The following HSF2BP variants were observed in gnomAD, a reference collection of about 807,000 sequenced individuals.
HSF2BP encodes the protein heat shock factor 2-binding protein.
In HSF2BP, 35 loss-of-function variants were observed where a neutral mutation model predicts 35.0. The observed-to-expected ratio is 1.00, with a 90% CI of 0.76 to 1.32. The LOEUF is 1.32. HSF2BP is among the 40% of genes most tolerant of loss of function. HSF2BP has a pLI of 0.00. For missense variants in HSF2BP, 326 were observed against 321.7 expected (o/e 1.01, Z -0.10); for synonymous variants, 114 against 117.4 (o/e 0.97, Z 0.18).
chr21:43,595,726 A>ATTTTTTTTTTTTTTTTTTTTTTTTTTTT lies in HSF2BP; in HGVS notation c.693-3426_693-3399dup, dbSNP rs770855952. 1.7e-4 allele frequency among the ~76,000 whole-genome samples: 10 copies of ATTTTTTTTTTTTTTTTTTTTTTTTTTTT among 58,448 alleles called. 4 individuals carry two copies. The highest frequency in any genetic ancestry group is 2.2e-4 in the Non-Finnish European group (7 of 32,406). 38.3% of individuals were successfully genotyped at this position (58,448 alleles called of 152,430 possible). On this transcript the variant is annotated intron_variant, in intron 7 of 8. Transcript: ENST00000291560. ...AGCATCTTTAAAAATTAAGAGGCTAATTTTTTTTTTTTTTTTTTTTTTTTT... is the reference window on the plus strand; with the variant it reads ...AGCATCTTTAAAAATTAAGAGGCTAATTTTTTTTTTTTTTTTTTTTTTTTTTTTTTTTTTTTTTTTTTTTTTTTTTTTT...
chr21:43,653,229 A>G (rs12381185), intron 3 of HSF2BP, among the ~76,000 whole-genome samples: 28 of 41,102 alleles, frequency 6.8e-4, no homozygotes, highest in Non-Finnish European at 1.1e-3. Flanking sequence ...AAGGGAAGGG[A>G]AGGGGAAGGG....
rs71334003 is a variant in HSF2BP, at chr21:43,535,686, TA to T, written c.797-5725del. On this transcript the variant is annotated intron_variant, in intron 8 of 8. Transcript: ENST00000291560. ...TCAAAAATAAATAAAATAAATAAAATAAAATAAAATAAAATAAAATAATAAA... is the reference window on the plus strand; with the variant it reads ...TCAAAAATAAATAAAATAAATAAAATAAATAAAATAAAATAAAATAATAAA... Among the ~76,000 whole-genome samples, 5 of 1,970 alleles carry T rather than the reference TA, an allele frequency of 2.5e-3. 2 individuals carry two copies. Among genetic ancestry groups the T allele is most frequent in the Admixed American group, 0.017 (2 of 116 alleles). The allele number at this position is 1,970 out of a possible 152,430, so 1.3% of individuals were successfully genotyped here. A position where few individuals can be genotyped will look rare whatever the true frequency, so the allele number is the denominator to read the frequency against.
intron 6 of HSF2BP, among the ~76,000 whole-genome samples, chr21:43,620,213 CAG>C (rs2082316310): frequency 6.6e-6 from 1 of 152,124 alleles, no homozygotes; most frequent in African/African-American, 2.4e-5. Context: ...CAACAGGAAA[CAG>C]GGAACCACGG....
At chr21:43,625,308 C>G (rs58359181) in intron 6 of HSF2BP, among the ~76,000 whole-genome samples, 3,732 of 152,054 alleles carry the variant, frequency 0.025, 50 homozygotes, top group Middle Eastern at 0.065. Flanking sequence ...CAAGCACTTG[C>G]TCACCTGGGG....
intron 8 of HSF2BP, among the ~76,000 whole-genome samples, chr21:43,587,932 C>A (rs1661693181): frequency 6.6e-6 from 1 of 152,116 alleles, no homozygotes; most frequent in Non-Finnish European, 1.5e-5. Flanking sequence ...GCTAAAAGGG[C>A]CATAGAGAAC....
At chr21:43,593,560 G>A (rs1478368127) in intron 7 of HSF2BP, among the ~76,000 whole-genome samples, 1 of 151,660 alleles carries the variant, frequency 6.6e-6, no homozygotes, top group Non-Finnish European at 1.5e-5. Context: ...ATATAAAACT[G>A]GTATGTTTAA....
chr21:43,631,871 G>A (rs911015756), intron 5 of HSF2BP, among the ~76,000 whole-genome samples: 55 of 151,864 alleles, frequency 3.6e-4, no homozygotes, highest in Admixed American at 3.0e-3. Context: ...ATACATGTGC[G>A]TGTGCACGCT....
intron 6 of HSF2BP, among the ~76,000 whole-genome samples, chr21:43,617,820 G>A (rs1390353028): frequency 2.6e-5 from 4 of 151,974 alleles, no homozygotes; most frequent in Non-Finnish European, 4.4e-5. Flanking sequence ...CAGGTGTGGT[G>A]GCATGCACCT....
intron 6 of HSF2BP, among the ~76,000 whole-genome samples, chr21:43,624,736 A>G (rs1187676946): frequency 1.3e-5 from 2 of 152,222 alleles, no homozygotes; most frequent in African/African-American, 4.8e-5. Context: ...AAGGAGTACA[A>G]TCATGATTTT....
At chr21:43,592,784 T>A (rs1489612876) in intron 7 of HSF2BP, among the ~76,000 whole-genome samples, 1 of 152,148 alleles carries the variant, frequency 6.6e-6, no homozygotes, top group East Asian at 1.9e-4. Context: ...GACTACATAA[T>A]CACAGTACAA....
intron 3 of HSF2BP, among the ~76,000 whole-genome samples, chr21:43,647,456 C>T (rs1000465095): frequency 6.6e-6 from 1 of 152,062 alleles, no homozygotes. Context: ...GTCTTGAACT[C>T]CTGACCTCAA....
intron 7 of HSF2BP, among the ~76,000 whole-genome samples, chr21:43,596,608 A>T (rs1171474944): frequency 6.6e-6 from 1 of 152,082 alleles, no homozygotes; most frequent in Non-Finnish European, 1.5e-5. Flanking sequence ...GCTCATGCCT[A>T]TAATCCCAGC....
intron 8 of HSF2BP, among the ~76,000 whole-genome samples, chr21:43,578,899 G>T (rs573969736): frequency 6.6e-6 from 1 of 152,362 alleles, no homozygotes; most frequent in Non-Finnish European, 1.5e-5. Flanking sequence ...CAGAAGAGAA[G>T]ACTAGTTGTG....
rs181518953 is a variant in HSF2BP, at chr21:43,632,018, T to A, written c.441+1254A>T. 4.1e-4 allele frequency among the ~76,000 whole-genome samples: 22 copies of A among 53,268 alleles called. No homozygotes were observed. The East Asian group carries it at 6.4e-3, about 16-fold the overall frequency. The allele number at this position is 53,268 out of a possible 152,430, so 34.9% of individuals were successfully genotyped here. ...ACTCCCACACACACAGGCTCCCACA[T>A]ACACACACATGCTCCCACACACACA... On this transcript the variant is annotated intron_variant, in intron 5 of 8. Transcript: ENST00000291560.
At position 43,656,599 on chromosome 21, in the gene HSF2BP, T is replaced by A; in HGVS notation, c.175A>T (p.Ile59Phe). 6.2e-7 allele frequency: 1 copy of A among 1,606,408 alleles called. No individual in the cohort carries two copies. Among genetic ancestry groups the A allele is most frequent in the South Asian group, 1.1e-5 (1 of 88,356 alleles). ...AATGAAGACTCACTTTTTTCTACAA[T>A]CTTTAATTTCTGGAAGCTCTCCAGC... is the stretch of plus-strand genomic sequence containing the variant. ...EVLESFQKLK[I>F]VEKNLERKEQ... is the part of the protein sequence containing the mutation. The change falls in exon 3 of 9, where the codon ATT (isoleucine) becomes TTT (phenylalanine). Residue 59 changes from isoleucine to phenylalanine, a missense_variant. Ile to Phe is a conservative substitution (Grantham distance 21, BLOSUM62 0). Coordinates refer to ENST00000291560, the MANE Select transcript of HSF2BP (RefSeq NM_007031.2).
At chr21:43,496,140 G>A in the HSF2BP span, among the ~76,000 whole-genome samples, 4 of 133,058 alleles carry the variant, frequency 3.0e-5, no homozygotes, top group East Asian at 2.1e-4. Flanking sequence ...TTTGTACACC[G>A]AAAACTAAAG....
intron 7 of HSF2BP, among the ~76,000 whole-genome samples, chr21:43,598,685 A>C (rs2838327): frequency 0.6 from 90,423 of 151,676 alleles, 27,337 homozygotes; most frequent in East Asian, 0.79. Flanking sequence ...AGTTTCACTG[A>C]CAATTTTTAC....
At chr21:43,604,865 A>G (rs959662445) in intron 7 of HSF2BP, among the ~76,000 whole-genome samples, 2 of 138,296 alleles carry the variant, frequency 1.4e-5, no homozygotes, top group African/African-American at 5.5e-5. Flanking sequence ...ACACCCACAC[A>G]CCACATACAC....
intron 4 of HSF2BP, 42 bp downstream of exon 4, chr21:43,644,247 C>T: frequency 1.4e-6 from 2 of 1,460,306 alleles, no homozygotes; most frequent in Non-Finnish European, 1.9e-6. Context: ...TAAGCCAGCC[C>T]CACTTTCTGG....
Sources: allele counts gnomAD v4.1 joint callset (sites outside exome capture counted in the v4.1 genomes callset), GRCh38; gene constraint gnomAD v4.1.1; transcripts MANE v1.5; gene names NCBI Gene and HGNC (gene_info 2026-07-23, HGNC 2026-07-21).